The following ARID1A variants were observed in gnomAD, a reference collection of about 807,000 sequenced individuals.
ARID1A encodes the protein AT-rich interactive domain-containing protein 1A.
In ARID1A, 20 loss-of-function variants were observed where a neutral mutation model predicts 212.6. That is an observed-to-expected ratio of 0.09 (90% CI 0.07 to 0.14). The LOEUF is 0.14. Ranked by LOEUF, ARID1A falls within the 10% of genes least tolerant of loss-of-function variation. The pLI is 1.00. For synonymous variants in ARID1A, 1,376 were observed against 1,222.1 expected, an observed-to-expected ratio of 1.13 and a Z score of -2.63; for missense variants, 2,587 against 3,059.0, an observed-to-expected ratio of 0.85 and a Z score of 3.64.
intron 2 of ARID1A, 146 bp downstream of exon 2, chr1:26,730,009 C>A: frequency 1.0e-6 from 1 of 1,002,162 alleles, no homozygotes; most frequent in Non-Finnish European, 1.5e-6. Flanking sequence ...GTGCTACTAA[C>A]AAAGCCAAAG....
intron 4 of ARID1A, among the ~76,000 whole-genome samples, chr1:26,733,532 G>A (rs567987128): frequency 2.1e-4 from 32 of 152,178 alleles, no homozygotes; most frequent in Admixed American, 9.2e-4. Context: ...TGTAATCATC[G>A]CCTCAGAGGG....
At chr1:26,701,615 T>G (rs1016675896) in intron 1 of ARID1A, among the ~76,000 whole-genome samples, 2 of 152,234 alleles carry the variant, frequency 1.3e-5, no homozygotes, top group Non-Finnish European at 2.9e-5. Context: ...GAAGTTGGTC[T>G]GCATGGCCTT....
intron 8 of ARID1A, chr1:26,765,945 G>C: frequency 2.8e-6 from 1 of 363,302 alleles, no homozygotes; most frequent in East Asian, 4.7e-5. Flanking sequence ...AGGAGGCTGA[G>C]GAAGGCAGAT....
intron 4 of ARID1A, among the ~76,000 whole-genome samples, chr1:26,751,893 A>G (rs182265192): frequency 3.9e-5 from 6 of 152,192 alleles, no homozygotes; most frequent in Non-Finnish European, 8.8e-5. Context: ...GCCAAAAGGT[A>G]TCAGGAAGAA....
At chr1:26,713,900 T>C (rs1366587039) in intron 1 of ARID1A, among the ~76,000 whole-genome samples, 2 of 152,248 alleles carry the variant, frequency 1.3e-5, no homozygotes, top group African/African-American at 4.8e-5. Context: ...AATGCCACTT[T>C]GAATTGGCTT....
intron 12 of ARID1A, 104 bp from the exon 13 acceptor site, chr1:26,772,396 T>G (rs767311716): frequency 3.6e-5 from 55 of 1,547,438 alleles, no homozygotes; most frequent in Non-Finnish European, 4.8e-5. Context: ...TTAAAGGCCT[T>G]AGGAAGAACT....
At chr1:26,726,782 T>C (rs2080623623) in intron 1 of ARID1A, among the ~76,000 whole-genome samples, 1 of 152,256 alleles carries the variant, frequency 6.6e-6, no homozygotes, top group Non-Finnish European at 1.5e-5. Context: ...CAGAAGTTAG[T>C]CTTGAGAAAT....
In ARID1A at chr1:26,696,110, TG is replaced by T; in HGVS notation, c.-288del. The T allele has an allele frequency of 1.4e-5, 6 of 436,680 alleles. No individual in the cohort carries two copies. The highest frequency in any genetic ancestry group is 2.1e-5 in the African/African-American group (1 of 47,052). 27.1% of individuals were successfully genotyped at this position (436,680 alleles called of 1,614,324 possible). A position where few individuals can be genotyped will look rare whatever the true frequency, so the allele number is the denominator to read the frequency against. ...CCCCCCTCATTCCCAGGCAAGGGCTTGGGGGGAATGAGCCGGGAGAGCCGGG... is the reference window on the plus strand; with the variant it reads ...CCCCCCTCATTCCCAGGCAAGGGCTTGGGGGAATGAGCCGGGAGAGCCGGG... On this transcript the variant is annotated 5_prime_UTR_variant, in exon 1 of 20. Transcript: ENST00000324856.
intron 8 of ARID1A, among the ~76,000 whole-genome samples, chr1:26,763,774 G>A (rs2124072394): frequency 6.6e-6 from 1 of 152,142 alleles, no homozygotes; most frequent in East Asian, 1.9e-4. Flanking sequence ...CGAAAAAAGG[G>A]GTTTTGTGGG....
chr1:26,743,131 A>G (rs1020172252), intron 4 of ARID1A, among the ~76,000 whole-genome samples: 14 of 152,100 alleles, frequency 9.2e-5, no homozygotes, highest in Non-Finnish European at 1.9e-4. Context: ...CCCAGTTCAG[A>G]ACCCATAGTG....
Position 26,781,774 on chromosome 1 carries a change from T to C in ARID1A, c.*1018T>C, listed in dbSNP as rs2081198098. The C allele has an allele frequency of 2.1e-5, 5 of 233,770 alleles. No homozygotes were observed. In the East Asian group the frequency reaches 3.0e-4, roughly 14 times the overall value. 14.5% of individuals were successfully genotyped at this position (233,770 alleles called of 1,614,324 possible). On this transcript the variant is annotated 3_prime_UTR_variant, in exon 20 of 20. Coordinates refer to ENST00000324856, the MANE Select transcript of ARID1A (RefSeq NM_006015.6). ...CCAGATATCGCCCCTCTTGGTGCGA[T>C]GCTGTACAGGTCTCTGTAAAAAGTC...
chr1:26,756,581 A>C (rs2080939521), intron 4 of ARID1A, among the ~76,000 whole-genome samples: 1 of 151,534 alleles, frequency 6.6e-6, no homozygotes, highest in Non-Finnish European at 1.5e-5. Context: ...AAAAAAAACA[A>C]AAAAACACAC....
chr1:26,766,561 T>C lies in ARID1A; in HGVS notation c.2983T>C (p.Ser995Pro). 1.2e-6 allele frequency: 2 copies of C among 1,608,916 alleles called. No homozygotes were observed. Among genetic ancestry groups the C allele is most frequent in the Non-Finnish European group, 1.7e-6 (2 of 1,177,546 alleles). Residue 995 changes from serine (S) to proline (P), a missense_variant, in exon 10 of 20, where the codon TCC becomes CCC. Coordinates refer to ENST00000324856, the MANE Select transcript of ARID1A (RefSeq NM_006015.6). Reference sequence around the variant, plus strand: ...TGGGACACCCAAGACAGAATCCAAATCCAAGGTAGTGATTTTTGTCTTGAC... The same window carrying C: ...TGGGACACCCAAGACAGAATCCAAACCCAAGGTAGTGATTTTTGTCTTGAC... ...ADGTPKTESK[S>P]KKSSSSTTTN...
At chr1:26,719,177 A>G (rs1187321686) in intron 1 of ARID1A, among the ~76,000 whole-genome samples, 11 of 152,170 alleles carry the variant, frequency 7.2e-5, no homozygotes, top group African/African-American at 2.7e-4. Flanking sequence ...TTTGTTTTGT[A>G]TACATATCTC....
At position 26,772,663 on chromosome 1, in the gene ARID1A, G is replaced by A. The variant is rs2124105264; in HGVS notation, c.3539+31G>A. On this transcript the variant is annotated intron_variant, in intron 13 of 19. Transcript: ENST00000324856. ...GCCAAGAGCAGGGGCAGATGGTTGG[G>A]AGGATGGCTGAAGATAAGTGCATGG... 6 of 1,614,162 alleles carry A rather than the reference G, an allele frequency of 3.7e-6. No homozygotes were observed. The East Asian group carries it at 8.9e-5, about 24-fold the overall frequency.
At chr1:26,749,205 C>T (rs1333972262) in intron 4 of ARID1A, among the ~76,000 whole-genome samples, 2 of 152,100 alleles carry the variant, frequency 1.3e-5, no homozygotes, top group East Asian at 1.9e-4. Flanking sequence ...GTCTGTGGGT[C>T]TGTCCCTGCA....
At chr1:26,755,516 A>T (rs888784169) in intron 4 of ARID1A, among the ~76,000 whole-genome samples, 3 of 152,140 alleles carry the variant, frequency 2.0e-5, no homozygotes, top group Admixed American at 2.0e-4. Flanking sequence ...AGCTCTCCTG[A>T]AGAAGGGGAA....
At chr1:26,766,821 C>T (rs967034825) in intron 10 of ARID1A, among the ~76,000 whole-genome samples, 3 of 152,140 alleles carry the variant, frequency 2.0e-5, no homozygotes, top group African/African-American at 7.2e-5. Flanking sequence ...GGGGGAAATG[C>T]CAGACACTGC....
intron 4 of ARID1A, among the ~76,000 whole-genome samples, chr1:26,735,655 A>G (rs1231525921): frequency 6.6e-6 from 1 of 152,150 alleles, no homozygotes; most frequent in Non-Finnish European, 1.5e-5. Flanking sequence ...CTCAGCTCCC[A>G]TCCCCTGTGT....
Sources: allele counts gnomAD v4.1 joint callset (sites outside exome capture counted in the v4.1 genomes callset), GRCh38; gene constraint gnomAD v4.1.1; transcripts MANE v1.5; gene names NCBI Gene and HGNC (gene_info 2026-07-23, HGNC 2026-07-21).